Variants in SMYD3 observed in about 807,000 individuals in gnomAD.
The protein encoded by SMYD3 is histone-lysine N-methyltransferase SMYD3.
In SMYD3, 36 loss-of-function variants were observed where a neutral mutation model predicts 57.7. The observed-to-expected ratio is 0.62, with a 90% CI of 0.48 to 0.82. The LOEUF (loss-of-function observed/expected upper bound fraction) is 0.82, where lower values mean the gene tolerates loss of function less well. Among genes scored for constraint, SMYD3 ranks in the 40% least tolerant of loss-of-function variants. The pLI is 0.00. For synonymous variants in SMYD3, 211 were observed against 195.0 expected (o/e 1.08, Z -0.68); for missense variants, 515 against 538.8 (o/e 0.96, Z 0.44).
chr1:246,216,495 T>C (rs986688390), intron 5 of SMYD3, among the ~76,000 whole-genome samples: 1 of 151,992 alleles, frequency 6.6e-6, no homozygotes, highest in Non-Finnish European at 1.5e-5. Context: ...CTGATATGGA[T>C]TAGGTATTAC....
intron 11 of SMYD3, among the ~76,000 whole-genome samples, chr1:245,750,435 A>T (rs1227494849): frequency 1.3e-5 from 2 of 152,194 alleles, no homozygotes; most frequent in Non-Finnish European, 2.9e-5. Context: ...ATTCTAGACA[A>T]GGCACCAGAC....
chr1:246,477,814 G>C (rs1457229135), intron 1 of SMYD3, among the ~76,000 whole-genome samples: 2 of 152,176 alleles, frequency 1.3e-5, no homozygotes, highest in East Asian at 3.9e-4. Flanking sequence ...GCTTAACTGA[G>C]GTAACAAGTA....
At chr1:246,069,824 G>C (rs563325948) in intron 5 of SMYD3, among the ~76,000 whole-genome samples, 91 of 152,262 alleles carry the variant, frequency 6.0e-4, no homozygotes, top group Admixed American at 1.5e-3. Context: ...TGGGCAGGAC[G>C]AATGAGACTG....
At chr1:246,047,712 G>A (rs2059993326) in intron 5 of SMYD3, among the ~76,000 whole-genome samples, 1 of 152,090 alleles carries the variant, frequency 6.6e-6, no homozygotes, top group Non-Finnish European at 1.5e-5. Context: ...GGTGGTGTGT[G>A]CCTATAATCC....
At chr1:246,155,357 C>T (rs751009067) in intron 5 of SMYD3, among the ~76,000 whole-genome samples, 87 of 152,300 alleles carry the variant, frequency 5.7e-4, no homozygotes, top group Non-Finnish European at 9.1e-4. Flanking sequence ...TAATGTTCGT[C>T]CCTTATTTCC....
intron 5 of SMYD3, among the ~76,000 whole-genome samples, chr1:246,028,763 T>C (rs1280993816): frequency 2.6e-5 from 4 of 152,044 alleles, no homozygotes; most frequent in African/African-American, 9.7e-5. Context: ...CAAAAGACCA[T>C]GAATAGCCAA....
At chr1:245,817,211 G>C (rs893964359) in intron 10 of SMYD3, among the ~76,000 whole-genome samples, 7 of 146,788 alleles carry the variant, frequency 4.8e-5, no homozygotes, top group Middle Eastern at 3.3e-3. Flanking sequence ...AGAACGGGCA[G>C]ACTGCCTCCT....
At chr1:245,917,034 T>TAAA (rs35610259) in intron 7 of SMYD3, among the ~76,000 whole-genome samples, 9 of 144,478 alleles carry the variant, frequency 6.2e-5, no homozygotes, top group Non-Finnish European at 1.1e-4. Context: ...CATTGGGCTT[T>TAAA]AAAAAAAAAA....
At chr1:245,909,469 G>A (rs2148637983) in intron 8 of SMYD3, among the ~76,000 whole-genome samples, 1 of 152,116 alleles carries the variant, frequency 6.6e-6, no homozygotes, top group Middle Eastern at 3.4e-3. Context: ...CCAGCATTAT[G>A]TAAAACCAGC....
chr1:246,152,612 C>T (rs56340750), intron 5 of SMYD3, among the ~76,000 whole-genome samples: 15,277 of 152,222 alleles, frequency 0.1, 1,000 homozygotes, highest in Admixed American at 0.22. Flanking sequence ...AAAGAGCAGA[C>T]AAACAATTTC....
At chr1:245,795,763 T>C (rs570776332) in intron 10 of SMYD3, among the ~76,000 whole-genome samples, 1 of 152,298 alleles carries the variant, frequency 6.6e-6, no homozygotes, top group South Asian at 2.1e-4. Context: ...ACCAGACACA[T>C]GCATGAAGAG....
chr1:246,312,387 C>A lies in SMYD3; in HGVS notation c.531+14814G>T, dbSNP rs551283246. ...GAGTTAGAGGCCATTTAGGTGAGAT[C>A]GGAAGGATTTTAATAATAACTGGGA... On this transcript the variant is annotated intron_variant, in intron 5 of 11. Coordinates refer to ENST00000490107, the MANE Select transcript of SMYD3 (RefSeq NM_001167740.2). 5.9e-5 allele frequency among the ~76,000 whole-genome samples: 9 copies of A among 151,846 alleles called. No individual in the cohort carries two copies. In the South Asian group the frequency reaches 1.9e-3, roughly 32 times the overall value.
At chr1:245,773,908 C>T (rs144623671) in intron 10 of SMYD3, among the ~76,000 whole-genome samples, 1 of 152,214 alleles carries the variant, frequency 6.6e-6, no homozygotes, top group South Asian at 2.1e-4. Flanking sequence ...CCTCAAGAAA[C>T]TTAACAGCAG....
chr1:246,172,575 C>T (rs1306608481), intron 5 of SMYD3, among the ~76,000 whole-genome samples: 1 of 150,992 alleles, frequency 6.6e-6, no homozygotes, highest in Non-Finnish European at 1.5e-5. Flanking sequence ...GCCTAGAACA[C>T]TCACTGTACT....
At chr1:245,749,760 C>T in intron 11 of SMYD3, 96 bp from the exon 12 acceptor site, 1 of 890,270 alleles carries the variant, frequency 1.1e-6, no homozygotes, top group Non-Finnish European at 1.8e-6. Context: ...CCTGGTGAAC[C>T]CCACAGGTTT....
intron 8 of SMYD3, among the ~76,000 whole-genome samples, chr1:245,887,781 G>A (rs923756118): frequency 6.6e-6 from 1 of 152,108 alleles, no homozygotes; most frequent in African/African-American, 2.4e-5. Context: ...CCTACAGGAA[G>A]GGGACATCTT....
At chr1:246,395,704 G>GACAGGGAAGAGGAACCCACCACAGTCA (rs1558442957) in intron 1 of SMYD3, among the ~76,000 whole-genome samples, 1 of 26,976 alleles carries the variant, frequency 3.7e-5, no homozygotes, top group Non-Finnish European at 1.3e-4. Context: ...CACCATGGCT[G>GACAGGGAAGAGGAACCCACCACAGTCA]GACAGGGAAG....
intron 7 of SMYD3, among the ~76,000 whole-genome samples, chr1:245,921,570 T>TATATATATATATAC (rs1231534223): frequency 6.8e-6 from 1 of 147,898 alleles, no homozygotes; most frequent in African/African-American, 2.5e-5. Flanking sequence ...TATATATATA[T>TATATATATATATAC]ACACATACCA....
chr1:246,179,834 C>G (rs1273554265), intron 5 of SMYD3, among the ~76,000 whole-genome samples: 1 of 152,136 alleles, frequency 6.6e-6, no homozygotes, highest in African/African-American at 2.4e-5. Flanking sequence ...CAGTCTCTTT[C>G]TAAGTGAAGG....
Sources: gnomAD v4.1 joint callset for allele counts (sites outside exome capture counted in the v4.1 genomes callset) on GRCh38, gnomAD v4.1.1 for gene constraint, MANE v1.5 for transcripts, NCBI Gene and HGNC (gene_info 2026-07-23, HGNC 2026-07-21) for gene names.